Variants in ADGRB3 observed in about 807,000 individuals in gnomAD.
The protein encoded by ADGRB3 is adhesion G protein-coupled receptor B3.
Under a neutral mutation model 193.4 loss-of-function variants are expected in ADGRB3, and 37 were observed. That is an observed-to-expected ratio of 0.19 (90% CI 0.15 to 0.25). The LOEUF is 0.25. Ranked by LOEUF, ADGRB3 falls within the 10% of genes least tolerant of loss-of-function variation. The pLI, the probability that ADGRB3 is intolerant of heterozygous loss-of-function variation, is 1.00. For missense variants in ADGRB3, 1,637 were observed against 1,852.9 expected (o/e 0.88, Z 2.14); for synonymous variants, 690 against 644.2 (o/e 1.07, Z -1.08).
chr6:69,339,558 G>T, intron 26 of ADGRB3, 54 bp downstream of exon 26: 1 of 1,540,418 alleles, frequency 6.5e-7, no homozygotes. Context: ...GTATTTCCTT[G>T]CTAAAAAGAA....
chr6:69,102,003 C>T (rs938549992), intron 17 of ADGRB3, among the ~76,000 whole-genome samples: 2 of 152,002 alleles, frequency 1.3e-5, no homozygotes, highest in East Asian at 3.9e-4. Flanking sequence ...CGGTGAAACC[C>T]CATCTCTACT....
At chr6:68,937,724 C>A (rs752930891) in intron 5 of ADGRB3, among the ~76,000 whole-genome samples, 1 of 152,088 alleles carries the variant, frequency 6.6e-6, no homozygotes, top group Non-Finnish European at 1.5e-5. Context: ...GGAGTAAGAA[C>A]AGGAATAATG....
At chr6:68,757,085 C>T (rs753089368) in intron 3 of ADGRB3, among the ~76,000 whole-genome samples, 11 of 152,112 alleles carry the variant, frequency 7.2e-5, no homozygotes, top group Non-Finnish European at 1.6e-4. Flanking sequence ...ATAATTACTT[C>T]AACTTCCCTC....
intron 17 of ADGRB3, among the ~76,000 whole-genome samples, chr6:69,186,367 A>C (rs1219468189): frequency 6.6e-6 from 1 of 151,996 alleles, no homozygotes; most frequent in Non-Finnish European, 1.5e-5. Context: ...GGCAGCATTG[A>C]CTTTTTTCCC....
intron 17 of ADGRB3, among the ~76,000 whole-genome samples, chr6:69,218,850 CATTTAT>C (rs1273974675): frequency 2.0e-5 from 3 of 152,096 alleles, no homozygotes; most frequent in Non-Finnish European, 1.5e-5. Context: ...TCAAAAACTG[CATTTAT>C]TTCATGGAAT....
Position 69,389,100 on chromosome 6 carries a change from G to GT in ADGRB3, c.*210dup. 2.4e-6 allele frequency: 1 copy of GT among 425,262 alleles called. No individual in the cohort carries two copies. The highest frequency in any genetic ancestry group is 4.2e-6 in the Non-Finnish European group (1 of 240,422). 26.3% of individuals were successfully genotyped at this position (425,262 alleles called of 1,614,324 possible). A position where few individuals can be genotyped will look rare whatever the true frequency, so the allele number is the denominator to read the frequency against. ...TGTACAGTTCTGACCATCCTGTGTT[G>GT]TAAGTACCCGTGGAATGGATTTGTA... On this transcript the variant is annotated 3_prime_UTR_variant, in exon 32 of 32. Transcript: ENST00000370598.
intron 3 of ADGRB3, among the ~76,000 whole-genome samples, chr6:68,869,508 A>G (rs888565553): frequency 6.6e-6 from 1 of 152,204 alleles, no homozygotes; most frequent in East Asian, 1.9e-4. Flanking sequence ...GAGTTCAAGC[A>G]TTTATGATGC....
chr6:68,949,074 A>T (rs1317149328), intron 6 of ADGRB3, among the ~76,000 whole-genome samples: 1 of 152,114 alleles, frequency 6.6e-6, no homozygotes, highest in Non-Finnish European at 1.5e-5. Flanking sequence ...ATAGTAAAAA[A>T]TCGATGTAGA....
rs1394549289 is a variant in ADGRB3, at chr6:69,324,945, C to T, written c.2888C>T (p.Ala963Val). The T allele has an allele frequency of 7.4e-6, 12 of 1,613,852 alleles. No individual in the cohort carries two copies. The highest frequency in any genetic ancestry group is 3.3e-5 in the South Asian group (3 of 91,066). Residue 963 changes from alanine to valine, a missense_variant, in exon 21 of 32, where the codon GCG (alanine) becomes GTG (valine). This residue lies in a region of ADGRB3 where 87 missense variants were observed against 161.0 expected (regional missense o/e 0.54). Transcript: ENST00000370598. ...LASFCWVLTE[A>V]WQSYMAVTGK... Reference sequence around the variant, plus strand: ...TCATTCTGTTGGGTTTTGACTGAGGCGTGGCAATCATATATGGCTGTAACT... The same window carrying T: ...TCATTCTGTTGGGTTTTGACTGAGGTGTGGCAATCATATATGGCTGTAACT...
rs1024510091 is a variant in ADGRB3 at position 69,030,047 on chromosome 6, A to G, written c.2107+11548A>G. On this transcript the variant is annotated intron_variant, in intron 13 of 31. Transcript: ENST00000370598. Reference sequence around the variant, plus strand: ...ATCACTGGTCATAAGAGAGGTGCAAATCAAAACCACAATGAGATACCATCC... The same window carrying G: ...ATCACTGGTCATAAGAGAGGTGCAAGTCAAAACCACAATGAGATACCATCC... Among the ~76,000 whole-genome samples, 14 of 151,772 alleles carry G rather than the reference A, an allele frequency of 9.2e-5. 1 individual carries two copies. Among genetic ancestry groups the G allele is most frequent in the Admixed American group, 2.6e-4 (4 of 15,220 alleles).
chr6:68,647,717 G>T (rs1768249732), intron 3 of ADGRB3, among the ~76,000 whole-genome samples: 1 of 152,158 alleles, frequency 6.6e-6, no homozygotes, highest in African/African-American at 2.4e-5. Flanking sequence ...CGGCAGCAAA[G>T]CTATTTAAGT....
intron 3 of ADGRB3, among the ~76,000 whole-genome samples, chr6:68,894,920 A>C (rs1766177688): frequency 6.6e-6 from 1 of 151,932 alleles, no homozygotes; most frequent in Non-Finnish European, 1.5e-5. Flanking sequence ...TCCCATTATC[A>C]GTAGGTAATC....
chr6:69,259,328 C>G (rs1437207177), intron 20 of ADGRB3, among the ~76,000 whole-genome samples: 1 of 152,140 alleles, frequency 6.6e-6, no homozygotes, highest in Non-Finnish European at 1.5e-5. Context: ...ATTCTGTCAG[C>G]CTTCCAACTA....
chr6:68,927,974 CATG>C (rs1767228655), intron 3 of ADGRB3, among the ~76,000 whole-genome samples: 1 of 152,010 alleles, frequency 6.6e-6, no homozygotes, highest in Non-Finnish European at 1.5e-5. Context: ...AATATTGTGA[CATG>C]ATAAACTATC....
At chr6:69,366,781 TAA>T (rs1769577979) in intron 29 of ADGRB3, among the ~76,000 whole-genome samples, 1 of 152,084 alleles carries the variant, frequency 6.6e-6, no homozygotes, top group Non-Finnish European at 1.5e-5. Context: ...AAAACAAAAA[TAA>T]AAAGTCACAT....
intron 17 of ADGRB3, among the ~76,000 whole-genome samples, chr6:69,220,947 T>C (rs1404862510): frequency 6.6e-6 from 1 of 152,046 alleles, no homozygotes; most frequent in Non-Finnish European, 1.5e-5. Flanking sequence ...CTACAATTTC[T>C]GATTGGGTTG....
intron 17 of ADGRB3, among the ~76,000 whole-genome samples, chr6:69,167,896 A>C (rs887925471): frequency 2.6e-5 from 4 of 152,136 alleles, no homozygotes; most frequent in African/African-American, 9.7e-5. Flanking sequence ...AGGCAGCCTC[A>C]ATGAGTTTCC....
chr6:69,300,675 A>G (rs1767931298), intron 20 of ADGRB3, among the ~76,000 whole-genome samples: 1 of 151,800 alleles, frequency 6.6e-6, no homozygotes, highest in Non-Finnish European at 1.5e-5. Flanking sequence ...GCTACTGGCA[A>G]ACAATCTGAA....
chr6:68,879,062 C>G (rs750874818), intron 3 of ADGRB3, among the ~76,000 whole-genome samples: 1 of 152,102 alleles, frequency 6.6e-6, no homozygotes, highest in Non-Finnish European at 1.5e-5. Flanking sequence ...GGTGGGGACA[C>G]AGAGCCAAAC....
Sources: gnomAD v4.1 joint callset for allele counts (sites outside exome capture counted in the v4.1 genomes callset) on GRCh38, gnomAD v4.1.1 for gene constraint, gnomAD v4.1.1 regional missense constraint, MANE v1.5 for transcripts, NCBI Gene and HGNC (gene_info 2026-07-23, HGNC 2026-07-21) for gene names.